Variants in LRMDA observed in about 807,000 individuals in gnomAD.
The protein encoded by LRMDA is leucine-rich melanocyte differentiation-associated protein.
LRMDA carries 18 observed loss-of-function variants against 29.8 expected under a neutral mutation model. That is an observed-to-expected ratio of 0.60 (90% CI 0.42 to 0.90). LRMDA has a LOEUF of 0.90. Ranked by LOEUF, LRMDA falls within the 40% of genes least tolerant of loss-of-function variation. The pLI is 0.00. For missense variants in LRMDA, 273 were observed against 273.9 expected (o/e 1.00, Z 0.02); for synonymous variants, 125 against 109.4 (o/e 1.14, Z -0.89).
At position 76,246,075 on chromosome 10, in the gene LRMDA, C is replaced by T. The variant is rs534488411; in HGVS notation, c.517-78326C>T. ...TATTTCATTGACGAGGAAGCTGAGA[C>T]ATAAGAGAGTTGGAAACTCTACCAA... On this transcript the variant is annotated intron_variant, in intron 5 of 6. Coordinates refer to ENST00000611255, the MANE Select transcript of LRMDA (RefSeq NM_001305581.2). Among the ~76,000 whole-genome samples the T allele has an allele frequency of 2.6e-5, 4 of 152,274 alleles. No individual in the cohort carries two copies. In the South Asian group the frequency reaches 6.2e-4, roughly 24 times the overall value.
chr10:76,130,905 C>G (rs575126098), intron 5 of LRMDA, among the ~76,000 whole-genome samples: 1 of 152,282 alleles, frequency 6.6e-6, no homozygotes, highest in East Asian at 1.9e-4. Context: ...TCAGGTGATC[C>G]ACTCGCCTCG....
Position 75,602,401 on chromosome 10 carries a change from G to A in LRMDA, c.131+163907G>A, listed in dbSNP as rs536044547. 3.3e-5 allele frequency among the ~76,000 whole-genome samples: 5 copies of A among 152,310 alleles called. No individual in the cohort carries two copies. The South Asian group carries it at 1.0e-3, about 32-fold the overall frequency. ...CATTTCAATTGTGTGTAAATTGCTTGAAGATATTGTTTTATTTTGGTTCCT... is the reference window on the plus strand; with the variant it reads ...CATTTCAATTGTGTGTAAATTGCTTAAAGATATTGTTTTATTTTGGTTCCT... On this transcript the variant is annotated intron_variant, in intron 2 of 6. Transcript: ENST00000611255.
chr10:76,058,722 C>G lies in LRMDA; in HGVS notation c.455C>G (p.Thr152Ser). ...AAATTTCTGGATGCCCAGAAAGTAA[C>G]CAGACAAGAACGAGAGGAGGCGTTG... ...NLKFLDAQKV[T>S]RQEREEALVR... The change falls in exon 5 of 7, where the codon ACC (threonine) becomes AGC (serine). Residue 152 changes from threonine (T) to serine (S), a missense_variant. Coordinates refer to ENST00000611255, the MANE Select transcript of LRMDA (RefSeq NM_001305581.2). The G allele has an allele frequency of 6.2e-7, 1 of 1,614,072 alleles. No individual in the cohort carries two copies. The highest frequency in any genetic ancestry group is 1.1e-5 in the South Asian group (1 of 91,070).
chr10:75,699,804 A>G (rs894825841), intron 2 of LRMDA, among the ~76,000 whole-genome samples: 1 of 152,220 alleles, frequency 6.6e-6, no homozygotes, highest in Admixed American at 6.5e-5. Context: ...AGATTTTGAG[A>G]TGGGGGATTA....
At position 75,730,359 on chromosome 10, in the gene LRMDA, A is replaced by G. The variant is rs936832736; in HGVS notation, c.131+291865A>G. Among the ~76,000 whole-genome samples the G allele has an allele frequency of 2.0e-5, 3 of 151,756 alleles. No individual in the cohort carries two copies. In the South Asian group the frequency reaches 6.3e-4, roughly 32 times the overall value. ...GATCAACAGATGCACAATGGCCACG[A>G]CCCCACCATTCACCTCTTCAGTATG... On this transcript the variant is annotated intron_variant, in intron 2 of 6. Transcript: ENST00000611255.
chr10:76,175,018 G>A (rs1297562825), intron 5 of LRMDA, among the ~76,000 whole-genome samples: 1 of 152,184 alleles, frequency 6.6e-6, no homozygotes, highest in African/African-American at 2.4e-5. Flanking sequence ...CTACTCAGGA[G>A]GCTAAGGCAG....
rs374164596 is a variant in LRMDA at position 76,024,611 on chromosome 10, C to T, written c.132-11397C>T. Among the ~76,000 whole-genome samples, 20 of 152,310 alleles carry T rather than the reference C, an allele frequency of 1.3e-4. No homozygotes were observed. In the South Asian group the frequency reaches 2.3e-3, roughly 17 times the overall value. ...GACCTCACAGAATCAACAGTTGGCA[C>T]GTTTTTACTGGCTTTCCTGGCCTGA... is the stretch of plus-strand genomic sequence containing the variant. On this transcript the variant is annotated intron_variant, in intron 2 of 6. Coordinates refer to ENST00000611255, the MANE Select transcript of LRMDA (RefSeq NM_001305581.2).
intron 6 of LRMDA, among the ~76,000 whole-genome samples, chr10:76,428,299 C>T (rs1357381127): frequency 6.6e-6 from 1 of 152,068 alleles, no homozygotes. Context: ...TGAATGGTTC[C>T]TTTACTTGTT....
intron 6 of LRMDA, among the ~76,000 whole-genome samples, chr10:76,462,885 C>T (rs567145960): frequency 2.6e-5 from 4 of 152,184 alleles, no homozygotes; most frequent in African/African-American, 4.8e-5. Context: ...AATCACTTCC[C>T]GCTGTTCCCC....
At chr10:75,838,175 A>T (rs1377647899) in intron 2 of LRMDA, among the ~76,000 whole-genome samples, 1 of 152,214 alleles carries the variant, frequency 6.6e-6, no homozygotes, top group Non-Finnish European at 1.5e-5. Flanking sequence ...ATTGTGATTA[A>T]AACTGGTGAT....
intron 2 of LRMDA, among the ~76,000 whole-genome samples, chr10:75,898,619 A>AC (rs1302755150): frequency 6.6e-5 from 10 of 152,170 alleles, no homozygotes. Context: ...TGAAAAAAAA[A>AC]ACACACATTT....
intron 5 of LRMDA, among the ~76,000 whole-genome samples, chr10:76,163,864 T>C (rs966739603): frequency 2.6e-5 from 4 of 152,220 alleles, no homozygotes; most frequent in African/African-American, 4.8e-5. Flanking sequence ...GTCTCTGTTT[T>C]TCATGACTGC....
At chr10:75,985,814 C>T (rs1049084507) in intron 2 of LRMDA, among the ~76,000 whole-genome samples, 3 of 152,104 alleles carry the variant, frequency 2.0e-5, no homozygotes, top group Admixed American at 1.3e-4. Context: ...GGAAAAGACC[C>T]GCCAAAGGAA....
chr10:75,454,279 G>A (rs1045512625), intron 2 of LRMDA, among the ~76,000 whole-genome samples: 3 of 152,118 alleles, frequency 2.0e-5, no homozygotes, highest in African/African-American at 7.2e-5. Flanking sequence ...GGTTTGTTTT[G>A]GGGGAGAGGG....
At chr10:75,888,283 C>G (rs543569664) in intron 2 of LRMDA, among the ~76,000 whole-genome samples, 1 of 152,260 alleles carries the variant, frequency 6.6e-6, no homozygotes, top group East Asian at 1.9e-4. Context: ...ACACTCTCCG[C>G]GTATGATGAG....
chr10:76,539,032 T>C (rs1589229755), intron 6 of LRMDA, among the ~76,000 whole-genome samples: 1 of 152,146 alleles, frequency 6.6e-6, no homozygotes, highest in African/African-American at 2.4e-5. Context: ...CATTAGAGAT[T>C]TAGTCAGTTG....
At chr10:75,918,668 A>G (rs1039436794) in intron 2 of LRMDA, among the ~76,000 whole-genome samples, 5 of 152,236 alleles carry the variant, frequency 3.3e-5, no homozygotes, top group African/African-American at 1.2e-4. Flanking sequence ...TGATGCCTCC[A>G]ACACCTTCAG....
chr10:76,471,575 A>G (rs1339764024), intron 6 of LRMDA, among the ~76,000 whole-genome samples: 1 of 151,686 alleles, frequency 6.6e-6, no homozygotes, highest in East Asian at 1.9e-4. Flanking sequence ...TCCTATATAA[A>G]TAATAATATC....
intron 2 of LRMDA, among the ~76,000 whole-genome samples, chr10:75,847,791 C>T (rs1844666142): frequency 6.6e-6 from 1 of 152,004 alleles, no homozygotes; most frequent in Admixed American, 6.6e-5. Context: ...AAGAAGGTAC[C>T]AATAAATGGA....
Sources: allele counts gnomAD v4.1 joint callset (sites outside exome capture counted in the v4.1 genomes callset), GRCh38; gene constraint gnomAD v4.1.1; transcripts MANE v1.5; gene names NCBI Gene and HGNC (gene_info 2026-07-23, HGNC 2026-07-21).